The following ZNF704 variants were observed in gnomAD, a reference collection of about 807,000 sequenced individuals.
ZNF704 encodes zinc finger protein 704.
In ZNF704, 10 loss-of-function variants were observed where a neutral mutation model predicts 44.7. The observed-to-expected ratio is 0.22, with a 90% CI of 0.14 to 0.38. The LOEUF is 0.38. Ranked by LOEUF, ZNF704 falls within the 10% of genes least tolerant of loss-of-function variation. ZNF704 has a pLI of 1.00. For synonymous variants in ZNF704, 211 were observed against 207.6 expected (o/e 1.02, Z -0.14); for missense variants, 390 against 545.5 (o/e 0.71, Z 2.84).
chr8:80,645,571 A>G (rs1181429416), intron 7 of ZNF704, among the ~76,000 whole-genome samples: 2 of 151,914 alleles, frequency 1.3e-5, no homozygotes, highest in African/African-American at 4.8e-5. Flanking sequence ...CCTTGGTGAT[A>G]TGTGACCTCT....
chr8:80,813,802 C>G (rs997185240), intron 2 of ZNF704, among the ~76,000 whole-genome samples: 1 of 152,036 alleles, frequency 6.6e-6, no homozygotes, highest in Non-Finnish European at 1.5e-5. Flanking sequence ...TGGCGTGAAC[C>G]CAGAAGGCAG....
Position 80,856,924 on chromosome 8 carries a change from T to C in ZNF704, c.-22+17647A>G, listed in dbSNP as rs138711614. Among the ~76,000 whole-genome samples the C allele has an allele frequency of 2.1e-3, 317 of 152,340 alleles. 1 individual carries two copies. The highest frequency in any genetic ancestry group is 7.3e-3 in the African/African-American group (303 of 41,588). On this transcript the variant is annotated intron_variant, in intron 1 of 8. Transcript: ENST00000327835. ...AGATTTTAATTGGGATTGTGCTGAA[T>C]CTTTTAATCAATTTCTGGAGAACTG...
At chr8:80,669,398 AG>A (rs1206795850) in intron 5 of ZNF704, among the ~76,000 whole-genome samples, 2 of 152,154 alleles carry the variant, frequency 1.3e-5, no homozygotes, top group African/African-American at 4.8e-5. Flanking sequence ...GACTCTGGCC[AG>A]GGAAGCCTTA....
intron 2 of ZNF704, among the ~76,000 whole-genome samples, chr8:80,770,108 C>G (rs1807295504): frequency 6.6e-6 from 1 of 152,256 alleles, no homozygotes; most frequent in South Asian, 2.1e-4. Context: ...AAGACCTGCC[C>G]CCATGATTCA....
At chr8:80,655,479 G>A (rs1461754875) in intron 7 of ZNF704, among the ~76,000 whole-genome samples, 1 of 152,098 alleles carries the variant, frequency 6.6e-6, no homozygotes, top group Non-Finnish European at 1.5e-5. Flanking sequence ...AAATAGGGAG[G>A]AGCCGCTTTC....
chr8:80,698,383 A>G (rs1213064719), intron 2 of ZNF704, among the ~76,000 whole-genome samples: 4 of 152,206 alleles, frequency 2.6e-5, no homozygotes, highest in Non-Finnish European at 5.9e-5. Context: ...GGGCAGTGGA[A>G]GAGCCAGGGC....
chr8:80,638,835 A>C lies in ZNF704; in HGVS notation c.*2531T>G, dbSNP rs1817699667. ...AGCCGTGGGCTAGCAGGCAGAAAGCAGCCCCAACTTGGGTAGGAGGTACAG... is the reference window on the plus strand; with the variant it reads ...AGCCGTGGGCTAGCAGGCAGAAAGCCGCCCCAACTTGGGTAGGAGGTACAG... On this transcript the variant is annotated 3_prime_UTR_variant, in exon 9 of 9. Coordinates refer to ENST00000327835, the MANE Select transcript of ZNF704 (RefSeq NM_001033723.3). 3 of 152,284 alleles carry C rather than the reference A, an allele frequency of 2.0e-5. No individual in the cohort carries two copies. 9.4% of individuals were successfully genotyped at this position (152,284 alleles called of 1,614,324 possible).
intron 2 of ZNF704, among the ~76,000 whole-genome samples, chr8:80,750,482 A>G (rs1806922153): frequency 1.3e-5 from 2 of 151,940 alleles, no homozygotes; most frequent in Non-Finnish European, 2.9e-5. Context: ...TTCCTCATAC[A>G]ACTCTTCAAA....
intron 1 of ZNF704, among the ~76,000 whole-genome samples, chr8:80,858,801 AT>A (rs1809010747): frequency 6.6e-6 from 1 of 152,162 alleles, no homozygotes; most frequent in Admixed American, 6.5e-5. Context: ...ATTTTATTCC[AT>A]TGTGGTCAAA....
At chr8:80,656,082 T>G (rs1818010427) in intron 7 of ZNF704, among the ~76,000 whole-genome samples, 1 of 152,202 alleles carries the variant, frequency 6.6e-6, no homozygotes, top group African/African-American at 2.4e-5. Context: ...CCAACAGGAT[T>G]AGTGTCCTTT....
chr8:80,658,515 C>T (rs897314343), intron 7 of ZNF704, among the ~76,000 whole-genome samples: 5 of 152,192 alleles, frequency 3.3e-5, no homozygotes, highest in African/African-American at 1.2e-4. Flanking sequence ...CTAACAAGGT[C>T]ACTCTTGCAG....
At chr8:80,790,530 A>G (rs941615134) in intron 2 of ZNF704, among the ~76,000 whole-genome samples, 2 of 152,194 alleles carry the variant, frequency 1.3e-5, no homozygotes, top group Non-Finnish European at 2.9e-5. Flanking sequence ...AGACTTTTTT[A>G]AAAAACAATG....
At chr8:80,646,090 G>A (rs564127847) in intron 7 of ZNF704, among the ~76,000 whole-genome samples, 3 of 152,250 alleles carry the variant, frequency 2.0e-5, no homozygotes, top group East Asian at 1.9e-4. Flanking sequence ...GGACTTCCCC[G>A]CCTCCAGGTT....
chr8:80,674,303 A>C (rs989714644), intron 4 of ZNF704, among the ~76,000 whole-genome samples: 3 of 152,230 alleles, frequency 2.0e-5, no homozygotes, highest in African/African-American at 7.2e-5. Context: ...ATTTTATTCA[A>C]AGCATATAAC....
rs1044248087 is a variant in ZNF704, at chr8:80,687,104, A to G, written c.558+122T>C. 6 of 767,410 alleles carry G rather than the reference A, an allele frequency of 7.8e-6. No homozygotes were observed. In the African/African-American group the frequency reaches 8.7e-5, roughly 11 times the overall value. The allele number at this position is 767,410 out of a possible 1,614,324, so 47.5% of individuals were successfully genotyped here. On this transcript the variant is annotated intron_variant, in intron 4 of 8. Coordinates refer to ENST00000327835, the MANE Select transcript of ZNF704 (RefSeq NM_001033723.3). ...TTCAAGAACATTAAAGAGGAACGTA[A>G]GCTGCTTCTTTCCACAGAAAGGGGG... is the stretch of plus-strand genomic sequence containing the variant.
chr8:80,757,415 T>A (rs187358067), intron 2 of ZNF704, among the ~76,000 whole-genome samples: 2 of 152,172 alleles, frequency 1.3e-5, no homozygotes, highest in Admixed American at 1.3e-4. Flanking sequence ...ATATAATGTA[T>A]CTGTGTTTTA....
intron 2 of ZNF704, among the ~76,000 whole-genome samples, chr8:80,724,976 T>TG (rs1294509447): frequency 6.6e-6 from 1 of 152,196 alleles, no homozygotes; most frequent in Non-Finnish European, 1.5e-5. Context: ...TTTCTAAGTG[T>TG]GGTTTATAAA....
At chr8:80,833,976 A>G (rs180876204) in intron 1 of ZNF704, among the ~76,000 whole-genome samples, 121 of 152,288 alleles carry the variant, frequency 7.9e-4, no homozygotes, top group Non-Finnish European at 1.4e-3. Flanking sequence ...CTGGAAGCCT[A>G]TGATTCTAAT....
chr8:80,710,997 A>T (rs1281037604), intron 2 of ZNF704, among the ~76,000 whole-genome samples: 2 of 152,166 alleles, frequency 1.3e-5, no homozygotes, highest in Non-Finnish European at 2.9e-5. Context: ...CATAGGGCTA[A>T]TTCTTCCGGG....
Sources: allele counts gnomAD v4.1 joint callset (sites outside exome capture counted in the v4.1 genomes callset), GRCh38; gene constraint gnomAD v4.1.1; transcripts MANE v1.5; gene names NCBI Gene and HGNC (gene_info 2026-07-23, HGNC 2026-07-21).